Variants in TMEM183A observed in about 807,000 individuals in gnomAD.
TMEM183A encodes the protein chromosome 1 open reading frame 37.
A neutral mutation model predicts 46.7 loss-of-function variants in TMEM183A; 21 were observed. The observed-to-expected ratio is 0.45, with a 90% CI of 0.32 to 0.65. The LOEUF is 0.65. TMEM183A is among the 30% of genes least tolerant of loss of function. TMEM183A has a pLI of 0.04. For missense variants in TMEM183A, 331 were observed against 481.9 expected (o/e 0.69, Z 2.93); for synonymous variants, 165 against 180.2 (o/e 0.92, Z 0.68).
chr1:203,022,353 C>G (rs1330026208), intron 7 of TMEM183A, among the ~76,000 whole-genome samples: 1 of 151,980 alleles, frequency 6.6e-6, no homozygotes, highest in Admixed American at 6.6e-5. Context: ...CTTTCTTTAG[C>G]ATAGTTTAAA....
chr1:203,010,110 A>C (rs1376877911), intron 3 of TMEM183A, among the ~76,000 whole-genome samples: 1 of 150,812 alleles, frequency 6.6e-6, no homozygotes, highest in Non-Finnish European at 1.5e-5. Flanking sequence ...CCACATCTCC[A>C]GCCTGGTGAC....
intron 6 of TMEM183A, among the ~76,000 whole-genome samples, chr1:203,019,760 A>C (rs1476880048): frequency 1.3e-5 from 2 of 152,226 alleles, no homozygotes; most frequent in Non-Finnish European, 2.9e-5. Context: ...AAATTTTTTA[A>C]AACCTGGAAA....
chr1:203,013,248 A>C lies in TMEM183A; in HGVS notation c.368-1641A>C, dbSNP rs1656845812. Among the ~76,000 whole-genome samples, 1 of 152,244 alleles carries C rather than the reference A, an allele frequency of 6.6e-6. No homozygotes were observed. The highest frequency in any genetic ancestry group is 1.5e-5 in the Non-Finnish European group (1 of 68,036). Reference sequence around the variant, plus strand: ...AATCATAGAGCTGTAGGAAGCAGTTAGCTAGAAAAGCGGGGGCAACTTTGG... The same window carrying C: ...AATCATAGAGCTGTAGGAAGCAGTTCGCTAGAAAAGCGGGGGCAACTTTGG... On this transcript the variant is annotated intron_variant, in intron 3 of 7. Transcript: ENST00000367242. The surrounding 1 kb of genome is among the most constrained non-coding windows in gnomAD (Gnocchi z 4.0).
At chr1:203,022,365 G>A (rs776268140) in intron 7 of TMEM183A, among the ~76,000 whole-genome samples, 22 of 151,970 alleles carry the variant, frequency 1.4e-4, no homozygotes, top group African/African-American at 5.3e-4. Flanking sequence ...TAGTTTAAAC[G>A]TGAAGCTGAG....
chr1:203,023,058 T>G lies in TMEM183A; in HGVS notation c.*18T>G. ...GAGCGTAGTTACTGCTTCCCATCCC[T>G]TGGGGGCAGCCTCGAGTGTAGTCCA... On this transcript the variant is annotated 3_prime_UTR_variant, in exon 8 of 8. Coordinates refer to ENST00000367242, the MANE Select transcript of TMEM183A (RefSeq NM_138391.6). 2 of 1,449,220 alleles carry G rather than the reference T, an allele frequency of 1.4e-6. 1 individual carries two copies. Among genetic ancestry groups the G allele is most frequent in the Non-Finnish European group, 1.9e-6 (2 of 1,062,498 alleles). 89.8% of individuals were successfully genotyped at this position (1,449,220 alleles called of 1,614,324 possible). A position where few individuals can be genotyped will look rare whatever the true frequency, so the allele number is the denominator to read the frequency against.
At position 203,008,668 on chromosome 1, in the gene TMEM183A, C is replaced by T. The variant is rs370307729; in HGVS notation, c.225C>T (p.Ala75=). The T allele has an allele frequency of 1.7e-5, 26 of 1,575,732 alleles. No homozygotes were observed. Among genetic ancestry groups the T allele is most frequent in the Non-Finnish European group, 2.2e-5 (26 of 1,162,444 alleles). Residue 75 remains alanine (A), a synonymous_variant, in exon 3 of 8, where the codon GCC becomes GCT. Coordinates refer to ENST00000367242, the MANE Select transcript of TMEM183A (RefSeq NM_138391.6). ...QEVKSLCGLE[A]SQVPAEEALS... ...TAAAATCTCTTTGTGGCTTGGAAGCCTCTCAGGTTCCTGCAGAGGAAGCTC... is the reference window on the plus strand; with the variant it reads ...TAAAATCTCTTTGTGGCTTGGAAGCTTCTCAGGTTCCTGCAGAGGAAGCTC...
chr1:203,017,820 C>A, intron 5 of TMEM183A: 12 of 985,902 alleles, frequency 1.2e-5, no homozygotes, highest in Non-Finnish European at 1.4e-5. Context: ...CCCCTTAAAG[C>A]CAAGCCCATT....
At position 203,007,489 on chromosome 1, in the gene TMEM183A, A is replaced by G; in HGVS notation, c.24A>G (p.Leu8=). The G allele has an allele frequency of 6.7e-7, 1 of 1,496,126 alleles. No individual in the cohort carries two copies. The highest frequency in any genetic ancestry group is 2.6e-5 in the East Asian group (1 of 38,456). 92.7% of individuals were successfully genotyped at this position (1,496,126 alleles called of 1,614,324 possible). A position where few individuals can be genotyped will look rare whatever the true frequency, so the allele number is the denominator to read the frequency against. The change falls in exon 1 of 8, where the codon CTA becomes CTG. Residue 8 remains leucine (L), a synonymous_variant. Coordinates refer to ENST00000367242, the MANE Select transcript of TMEM183A (RefSeq NM_138391.6). MARGPGP[L]GRPRPDTVAM... Reference sequence around the variant, plus strand: ...ACATGGCCCGGGGGCCCGGCCCGCTAGGCAGGCCTCGCCCCGATACGGTCG... The same window carrying G: ...ACATGGCCCGGGGGCCCGGCCCGCTGGGCAGGCCTCGCCCCGATACGGTCG...
rs985069224 is a variant in TMEM183A, at chr1:203,022,846, C to T, written c.946-9C>T. 3.2e-5 allele frequency: 51 copies of T among 1,613,760 alleles called. No homozygotes were observed. The highest frequency in any genetic ancestry group is 4.2e-5 in the Non-Finnish European group (50 of 1,179,850). ...TAAGTTGGATACTGAATTTGCTTTT[C>T]CATTTCAGTTTACTATCAATGTGAG... On this transcript the variant is annotated splice_polypyrimidine_tract_variant and intron_variant, in intron 7 of 7. Coordinates refer to ENST00000367242, the MANE Select transcript of TMEM183A (RefSeq NM_138391.6).
Position 203,008,704 on chromosome 1 carries a change from T to C in TMEM183A, c.261T>C (p.Ala87=). The C allele has an allele frequency of 6.2e-7, 1 of 1,606,948 alleles. No homozygotes were observed. Among genetic ancestry groups the C allele is most frequent in the Non-Finnish European group, 8.5e-7 (1 of 1,176,632 alleles). Residue 87 remains alanine, a synonymous_variant, in exon 3 of 8, where the codon GCT becomes GCC. Coordinates refer to ENST00000367242, the MANE Select transcript of TMEM183A (RefSeq NM_138391.6). The stretch of plus-strand genomic sequence containing the variant: ...CTGCAGAGGAAGCTCTTTCTGGGGC[T>C]GGTGAGCCCTGTGACATCATCGACA... ...QVPAEEALSG[A]GEPCDIIDSS...
At position 203,007,812 on chromosome 1, in the gene TMEM183A, G is replaced by C; in HGVS notation, c.148G>C (p.Val50Leu). The C allele has an allele frequency of 6.2e-7, 1 of 1,614,000 alleles. No homozygotes were observed. Among genetic ancestry groups the C allele is most frequent in the Non-Finnish European group, 8.5e-7 (1 of 1,179,876 alleles). The change falls in exon 2 of 8, where the codon GTG becomes CTG. Residue 50 changes from valine to leucine, a missense_variant. Val to Leu is a conservative substitution (Grantham distance 32). Coordinates refer to ENST00000367242, the MANE Select transcript of TMEM183A (RefSeq NM_138391.6). Reference protein sequence around the residue: ...ADYANSDPAVVRSGRVKKAVA... With the variant: ...ADYANSDPAVLRSGRVKKAVA... ...TTACGCCAACTCGGATCCGGCGGTC[G>C]TGAGGTCTGGACGAGTCAAGAAAGC...
Position 203,018,533 on chromosome 1 carries a change from G to A in TMEM183A, c.761G>A (p.Trp254Ter), listed in dbSNP as rs1657382809. 7 of 1,613,442 alleles carry A rather than the reference G, an allele frequency of 4.3e-6. No homozygotes were observed. The highest frequency in any genetic ancestry group is 5.9e-6 in the Non-Finnish European group (7 of 1,179,986). The change falls in exon 6 of 8, where the codon TGG (tryptophan) becomes TAG (stop). Residue 254 changes from tryptophan (W) to a stop codon, truncating the protein, a stop_gained. Coordinates refer to ENST00000367242, the MANE Select transcript of TMEM183A (RefSeq NM_138391.6). LOFTEE classifies it high-confidence loss of function. ...GTTGGGAACAGACAGGAACCAATGT[G>A]GGAATTCAACTTCAAGTTCAAAAAA... ...KIVGNRQEPM[W>*]EFNFKFKKQS...
chr1:203,010,733 A>G (rs1025520147), intron 3 of TMEM183A, among the ~76,000 whole-genome samples: 1 of 152,266 alleles, frequency 6.6e-6, no homozygotes, highest in African/African-American at 2.4e-5. Flanking sequence ...ATTCCTTTAA[A>G]GTGTACAATT....
At chr1:203,015,602 T>C (rs576686784) in intron 4 of TMEM183A, 1 of 241,218 alleles carries the variant, frequency 4.1e-6, no homozygotes, top group Non-Finnish European at 8.1e-6. Flanking sequence ...TAGAAAGGAG[T>C]GGAGAACTCA....
At chr1:203,014,728 A>G (rs1490119490) in intron 3 of TMEM183A, among the ~76,000 whole-genome samples, 161 bp from the exon 4 acceptor site, 2 of 152,216 alleles carry the variant, frequency 1.3e-5, no homozygotes, top group African/African-American at 4.8e-5. Context: ...AAAAGTTTCC[A>G]GCAGCTAGGA....
chr1:203,021,851 G>A (rs1657716657), intron 7 of TMEM183A, among the ~76,000 whole-genome samples: 1 of 152,132 alleles, frequency 6.6e-6, no homozygotes, highest in South Asian at 2.1e-4. Context: ...AAATACATGA[G>A]GTTCCCCTTC....
intron 4 of TMEM183A, chr1:203,015,312 AAG>A (rs1657066363): frequency 4.0e-6 from 2 of 500,090 alleles, no homozygotes; most frequent in East Asian, 7.0e-5. Context: ...TCCCAGATAG[AAG>A]AGTCTTTGAC....
chr1:203,018,422 GTA>G, intron 5 of TMEM183A, 57 bp from the exon 6 acceptor site: 1 of 1,561,590 alleles, frequency 6.4e-7, no homozygotes, highest in Non-Finnish European at 8.7e-7. Context: ...TGGTTGTAGT[GTA>G]TTTTGATTTT....
intron 5 of TMEM183A, among the ~76,000 whole-genome samples, chr1:203,016,911 C>G (rs1422755825): frequency 6.6e-6 from 1 of 152,146 alleles, no homozygotes; most frequent in Non-Finnish European, 1.5e-5. Flanking sequence ...TACTCTGTTC[C>G]TACCCCAAAT....
Sources: allele counts gnomAD v4.1 joint callset (sites outside exome capture counted in the v4.1 genomes callset), GRCh38; gene constraint gnomAD v4.1.1; non-coding constraint Gnocchi (gnomAD v3.1); transcripts MANE v1.5; gene names NCBI Gene and HGNC (gene_info 2026-07-23, HGNC 2026-07-21).